The following MACROH2A1 variants were observed in gnomAD, a reference collection of about 807,000 sequenced individuals.
MACROH2A1 encodes core histone macro-H2A.1.
Under a neutral mutation model 31.6 loss-of-function variants are expected in MACROH2A1, and 2 were observed. That is an observed-to-expected ratio of 0.06 (90% CI 0.03 to 0.20). MACROH2A1 has a LOEUF of 0.20. Ranked by LOEUF, MACROH2A1 falls within the 10% of genes least tolerant of loss-of-function variation. The pLI is 1.00. For missense variants in MACROH2A1, 230 were observed against 474.0 expected (o/e 0.49, Z 4.78); for synonymous variants, 169 against 189.6 (o/e 0.89, Z 0.89).
At chr5:135,351,074 G>A in intron 6 of MACROH2A1, 1 of 532,128 alleles carries the variant, frequency 1.9e-6, no homozygotes, top group Non-Finnish European at 3.4e-6. Flanking sequence ...TGTGGATGGG[G>A]GTGAGGACAG....
intron 4 of MACROH2A1, among the ~76,000 whole-genome samples, chr5:135,367,327 G>A (rs1402189649): frequency 6.6e-6 from 1 of 152,150 alleles, no homozygotes; most frequent in Admixed American, 6.5e-5. Flanking sequence ...AGTAGACAAT[G>A]TGTTTTATTG....
chr5:135,358,370 A>C (rs1762429012), intron 5 of MACROH2A1: 1 of 985,312 alleles, frequency 1.0e-6, no homozygotes, highest in South Asian at 4.7e-5. Flanking sequence ...TATTCTGCTA[A>C]ACAGTGTCTG....
Position 135,398,620 on chromosome 5 carries a change from C to T in MACROH2A1, c.-34+442G>A, listed in dbSNP as rs1581403558. Among the ~76,000 whole-genome samples the T allele has an allele frequency of 6.6e-6, 1 of 152,316 alleles. No homozygotes were observed. The highest frequency in any genetic ancestry group is 2.1e-4 in the South Asian group (1 of 4,832). On this transcript the variant is annotated intron_variant, in intron 1 of 8. Coordinates refer to ENST00000511689, the MANE Select transcript of MACROH2A1 (RefSeq NM_138610.3). This position sits in a 1 kb window ranked among gnomAD's most constrained non-coding sequence, Gnocchi z 4.6. ...CCGGGGCCGGCAACTCGCGGGCCGGCGGGGGCCTCACCAAGTACAACTCTG... is the reference window on the plus strand; with the variant it reads ...CCGGGGCCGGCAACTCGCGGGCCGGTGGGGGCCTCACCAAGTACAACTCTG...
intron 1 of MACROH2A1, among the ~76,000 whole-genome samples, chr5:135,395,349 G>A (rs1767821534): frequency 6.6e-6 from 1 of 152,180 alleles, no homozygotes; most frequent in Admixed American, 6.5e-5. Flanking sequence ...TTGATCCCAT[G>A]CAATATTGAT....
Position 135,378,865 on chromosome 5 carries a change from C to G in MACROH2A1, c.173-8723G>C, listed in dbSNP as rs557630084. Among the ~76,000 whole-genome samples, 61 of 152,248 alleles carry G rather than the reference C, an allele frequency of 4.0e-4. 2 individuals are homozygous for G. The South Asian group carries it at 7.7e-3, about 19-fold the overall frequency. ...AGCACTTCCCCCGAAGTCCCTAAAACTAGTATTACAAGCCACAGTTAGAAT... is the reference window on the plus strand; with the variant it reads ...AGCACTTCCCCCGAAGTCCCTAAAAGTAGTATTACAAGCCACAGTTAGAAT... On this transcript the variant is annotated intron_variant, in intron 2 of 8. Coordinates refer to ENST00000511689, the MANE Select transcript of MACROH2A1 (RefSeq NM_138610.3).
rs1768512309 is a variant in MACROH2A1 at position 135,399,174 on chromosome 5, C to CCCGCCCGCGCGGCCCGCGCTCTCCCCCT, written c.-174_-147dup. The CCCGCCCGCGCGGCCCGCGCTCTCCCCCT allele has an allele frequency of 6.6e-6, 1 of 151,086 alleles. No homozygotes were observed. Among genetic ancestry groups the CCCGCCCGCGCGGCCCGCGCTCTCCCCCT allele is most frequent in the African/African-American group, 2.5e-5 (1 of 40,750 alleles). The allele number at this position is 151,086 out of a possible 1,614,324, so 9.4% of individuals were successfully genotyped here. On this transcript the variant is annotated 5_prime_UTR_variant, in exon 1 of 9. Coordinates refer to ENST00000511689, the MANE Select transcript of MACROH2A1 (RefSeq NM_138610.3). The surrounding 1 kb of genome is among the most constrained non-coding windows in gnomAD (Gnocchi z 4.5). ...CGCTGGCCCGCCCGCCTCTTCGCTT[C>CCCGCCCGCGCGGCCCGCGCTCTCCCCCT]CCGCCCGCGCGGCCCGCGCTCTCCC...
chr5:135,337,981 G>C, intron 8 of MACROH2A1: 3 of 1,216,242 alleles, frequency 2.5e-6, no homozygotes, highest in South Asian at 2.9e-5. Flanking sequence ...GGCTGCTCTG[G>C]ACTGCGCAGG....
intron 4 of MACROH2A1, among the ~76,000 whole-genome samples, chr5:135,363,784 C>T (rs1029052277): frequency 1.3e-5 from 2 of 152,224 alleles, no homozygotes; most frequent in Admixed American, 1.3e-4. Flanking sequence ...CTAGTTTACA[C>T]TCTCACCAAC....
intron 2 of MACROH2A1, among the ~76,000 whole-genome samples, chr5:135,378,433 C>T (rs938776451): frequency 2.0e-5 from 3 of 152,228 alleles, no homozygotes; most frequent in African/African-American, 4.8e-5. Context: ...TTGCAGGACC[C>T]CTGTCCTCCC....
intron 7 of MACROH2A1, 145 bp downstream of exon 7, chr5:135,345,823 T>A: frequency 1.7e-6 from 1 of 598,284 alleles, no homozygotes. Flanking sequence ...CTCTAAGATG[T>A]AAAGCTACAG....
intron 1 of MACROH2A1, among the ~76,000 whole-genome samples, chr5:135,391,409 TGTGG>T (rs1311376725): frequency 3.3e-5 from 5 of 152,194 alleles, no homozygotes; most frequent in African/African-American, 4.8e-5. Context: ...GGGCTGCCTA[TGTGG>T]GAACTGGACA....
intron 2 of MACROH2A1, among the ~76,000 whole-genome samples, chr5:135,376,841 C>A (rs550541722): frequency 1.3e-5 from 2 of 152,132 alleles, no homozygotes; most frequent in African/African-American, 4.8e-5. Context: ...TAAAAAAGTG[C>A]GACAAGCTTG....
intron 2 of MACROH2A1, among the ~76,000 whole-genome samples, chr5:135,376,653 TC>T (rs1018667769): frequency 8.5e-5 from 13 of 152,324 alleles, no homozygotes; most frequent in Non-Finnish European, 1.6e-4. Flanking sequence ...GGATCCCAGC[TC>T]CTGTAATTAT....
intron 5 of MACROH2A1, chr5:135,355,484 A>C: frequency 3.3e-6 from 1 of 306,612 alleles, no homozygotes; most frequent in Non-Finnish European, 6.5e-6. Flanking sequence ...AGAAGTCCTC[A>C]GGGTATGCAG....
Position 135,394,535 on chromosome 5 carries a change from G to C in MACROH2A1, c.-34+4527C>G, listed in dbSNP as rs552632288. 2.0e-5 allele frequency among the ~76,000 whole-genome samples: 3 copies of C among 152,246 alleles called. No individual in the cohort carries two copies. In the East Asian group the frequency reaches 5.8e-4, roughly 29 times the overall value. On this transcript the variant is annotated intron_variant, in intron 1 of 8. Transcript: ENST00000511689. The stretch of plus-strand genomic sequence containing the variant: ...GTGGCAGCTGCAGACCCAGGGCCCA[G>C]CTAAAAGTGCCTCACAATCTCCCTC...
intron 2 of MACROH2A1, among the ~76,000 whole-genome samples, chr5:135,383,700 G>GT (rs1554099982): frequency 7.3e-6 from 1 of 137,150 alleles, no homozygotes; most frequent in Non-Finnish European, 1.6e-5. Context: ...GATGTGGTGT[G>GT]GTGTGTGTGT....
At chr5:135,347,955 A>G (rs1761057441) in intron 6 of MACROH2A1, among the ~76,000 whole-genome samples, 1 of 152,118 alleles carries the variant, frequency 6.6e-6, no homozygotes, top group African/African-American at 2.4e-5. Flanking sequence ...ATGATTACCA[A>G]CTCCTTTCTA....
chr5:135,352,143 G>A (rs1315517432), intron 6 of MACROH2A1, among the ~76,000 whole-genome samples: 1 of 152,214 alleles, frequency 6.6e-6, no homozygotes, highest in African/African-American at 2.4e-5. Flanking sequence ...GCAGTTGAGG[G>A]TTAGGAAGGA....
intron 8 of MACROH2A1, among the ~76,000 whole-genome samples, chr5:135,337,669 A>G (rs747337681): frequency 6.6e-6 from 1 of 152,238 alleles, no homozygotes; most frequent in Non-Finnish European, 1.5e-5. Context: ...CTGTTCTACA[A>G]ATAGCCAGCA....
Sources: gnomAD v4.1 joint callset for allele counts (sites outside exome capture counted in the v4.1 genomes callset) on GRCh38, gnomAD v4.1.1 for gene constraint, Gnocchi (gnomAD v3.1) non-coding constraint, MANE v1.5 for transcripts, NCBI Gene and HGNC (gene_info 2026-07-23, HGNC 2026-07-21) for gene names.